Variants in RFLNA observed in about 807,000 individuals in gnomAD.
RFLNA encodes the protein refilin A.
In RFLNA, 5 loss-of-function variants were observed where a neutral mutation model predicts 7.8. The observed-to-expected ratio is 0.64, with a 90% CI of 0.34 to 1.35. The LOEUF (loss-of-function observed/expected upper bound fraction) is 1.35, where lower values mean the gene tolerates loss of function less well. Ranked by LOEUF, RFLNA falls within the 40% of genes most tolerant of loss-of-function variation. RFLNA has a pLI of 0.04. For synonymous variants in RFLNA, 141 were observed against 131.3 expected, an observed-to-expected ratio of 1.07 and a Z score of -0.50; for missense variants, 278 against 305.5, an observed-to-expected ratio of 0.91 and a Z score of 0.67.
chr12:124,311,461 T>C (rs7963737), intron 1 of RFLNA, among the ~76,000 whole-genome samples: 122,966 of 152,074 alleles, frequency 0.81, 50,190 homozygotes, highest in Middle Eastern at 0.87. Flanking sequence ...GTTTCAGCCC[T>C]GCAAAGAGCA....
At chr12:124,310,675 C>T (rs183484992) in intron 1 of RFLNA, among the ~76,000 whole-genome samples, 10 of 152,146 alleles carry the variant, frequency 6.6e-5, no homozygotes, top group African/African-American at 2.4e-4. Flanking sequence ...AGGGGCATGC[C>T]CCTGATGGTC....
At chr12:124,301,493 G>C (rs1338945754) in intron 1 of RFLNA, among the ~76,000 whole-genome samples, 1 of 152,212 alleles carries the variant, frequency 6.6e-6, no homozygotes, top group African/African-American at 2.4e-5. Flanking sequence ...GCCCTCCAGT[G>C]CTCGGCCTCC....
upstream of RFLNA, among the ~76,000 whole-genome samples, chr12:124,293,720 T>C (rs566840798): frequency 6.6e-6 from 1 of 152,234 alleles, no homozygotes; most frequent in African/African-American, 2.4e-5. Flanking sequence ...TGGTGACAGG[T>C]GCATGCCTGT....
At chr12:124,298,052 C>T (rs960571831) in intron 1 of RFLNA, among the ~76,000 whole-genome samples, 12 of 152,304 alleles carry the variant, frequency 7.9e-5, no homozygotes, top group African/African-American at 2.4e-4. Flanking sequence ...TGAGCGGTGC[C>T]GGGTTTCCAT....
chr12:124,290,093 T>C (rs1044908468), upstream of RFLNA, among the ~76,000 whole-genome samples: 1 of 152,200 alleles, frequency 6.6e-6, no homozygotes, highest in African/African-American at 2.4e-5. This position sits in a 1 kb window ranked among gnomAD's most constrained non-coding sequence, Gnocchi z 4.0. Context: ...GGATGTTCAG[T>C]GTTACTTCTG....
Position 124,314,612 on chromosome 12 carries a change from A to C in RFLNA, c.*87A>C, listed in dbSNP as rs115414201. The C allele has an allele frequency of 8.2e-4, 1,262 of 1,532,410 alleles. 12 individuals carry two copies. The African/African-American group carries it at 0.016, about 19-fold the overall frequency. The allele number at this position is 1,532,410 out of a possible 1,614,324, so 94.9% of individuals were successfully genotyped here. On this transcript the variant is annotated 3_prime_UTR_variant, in exon 3 of 3. Coordinates refer to ENST00000546355, the MANE Select transcript of RFLNA (RefSeq NM_001365156.1). ...ATGGACACGATGAGCTCGGCCTGGC[A>C]CTCGGGCAGGAGGCGGGAAGGGAGG...
At chr12:124,294,056 T>C (rs2033862061), upstream of RFLNA, among the ~76,000 whole-genome samples, 1 of 152,282 alleles carries the variant, frequency 6.6e-6, no homozygotes, top group African/African-American at 2.4e-5. Context: ...GGGCCTGCTG[T>C]CTTACGCCTG....
chr12:124,296,548 T>C (rs2135673206), intron 1 of RFLNA, among the ~76,000 whole-genome samples: 1 of 152,268 alleles, frequency 6.6e-6, no homozygotes, highest in African/African-American at 2.4e-5. Context: ...GCGTGTGTGC[T>C]GGCTCCACTC....
Position 124,289,759 on chromosome 12 carries a change from A to T in RFLNA, c.-37+389A>T, listed in dbSNP as rs1160731672. 6.6e-6 allele frequency among the ~76,000 whole-genome samples: 1 copy of T among 152,190 alleles called. No homozygotes were observed. Among genetic ancestry groups the T allele is most frequent in the African/African-American group, 2.4e-5 (1 of 41,456 alleles). ...GTCCAGGCGTGGACATCTGTGGTAC[A>T]GCTGGGGACTGAGCAAGGGCACTGC... is the stretch of plus-strand genomic sequence containing the variant. On this transcript the variant is annotated intron_variant, in intron 1 of 2. Coordinates refer to the RFLNA transcript ENST00000324038. This position sits in a 1 kb window ranked among gnomAD's most constrained non-coding sequence, Gnocchi z 5.0.
Position 124,306,459 on chromosome 12 carries a change from G to A in RFLNA, c.208-5359G>A, listed in dbSNP as rs748761428. 3.3e-5 allele frequency among the ~76,000 whole-genome samples: 5 copies of A among 152,246 alleles called. No homozygotes were observed. The highest frequency in any genetic ancestry group is 6.5e-5 in the Admixed American group (1 of 15,298). ...CAGAGGCCCGAGTGGGAATCCTTGA[G>A]CCTGTGTCGGGGGAGCCTGGAGCTG... On this transcript the variant is annotated intron_variant, in intron 1 of 2. Coordinates refer to ENST00000546355, the MANE Select transcript of RFLNA (RefSeq NM_001365156.1). The surrounding 1 kb of genome is among the most constrained non-coding windows in gnomAD (Gnocchi z 5.2).
intron 1 of RFLNA, among the ~76,000 whole-genome samples, chr12:124,301,652 C>T (rs1317582921): frequency 6.6e-6 from 1 of 152,124 alleles, no homozygotes; most frequent in African/African-American, 2.4e-5. Context: ...TTTTTGTGTA[C>T]AGAGATGGGT....
intron 1 of RFLNA, among the ~76,000 whole-genome samples, chr12:124,300,156 T>C (rs2034000731): frequency 1.3e-5 from 2 of 152,306 alleles, no homozygotes; most frequent in East Asian, 3.9e-4. Flanking sequence ...TGGTGACAGA[T>C]CTGAGCTGTT....
chr12:124,303,519 C>T (rs1017796480), intron 1 of RFLNA, among the ~76,000 whole-genome samples: 10 of 152,206 alleles, frequency 6.6e-5, no homozygotes, highest in Non-Finnish European at 1.3e-4. Context: ...AGCTGGGAAC[C>T]TGGGCCTGGG....
rs576208251 is a variant in RFLNA at position 124,303,721 on chromosome 12, C to T, written c.207+8085C>T. Among the ~76,000 whole-genome samples, 8 of 152,370 alleles carry T rather than the reference C, an allele frequency of 5.3e-5. No individual in the cohort carries two copies. In the South Asian group the frequency reaches 6.2e-4, roughly 12 times the overall value. On this transcript the variant is annotated intron_variant, in intron 1 of 2. Transcript: ENST00000546355. ...CCCAGCCCCAGGATGTGGGCCTTGC[C>T]GATGGCACAGCCTCGTTTCACAGAT...
intron 1 of RFLNA, among the ~76,000 whole-genome samples, chr12:124,308,433 G>C (rs75914057): frequency 0.015 from 2,292 of 152,164 alleles, 26 homozygotes; most frequent in Middle Eastern, 0.031. Flanking sequence ...ATGGGCTTTG[G>C]GGGGGGACCC....
In RFLNA at chr12:124,297,237, C is replaced by T. The variant is rs77410330; in HGVS notation, c.207+1601C>T. ...GCGTTCTCTGCCATCCGGGCCAGCC[C>T]GTGGCTGCCGCAAGAATAGCATGGC... On this transcript the variant is annotated intron_variant, in intron 1 of 2. Transcript: ENST00000546355. Among the ~76,000 whole-genome samples the T allele has an allele frequency of 6.3e-3, 952 of 152,250 alleles. 19 individuals are homozygous for T. The highest frequency in any genetic ancestry group is 0.042 in the South Asian group (204 of 4,824).
At chr12:124,291,793 G>C (rs1392797927), upstream of RFLNA, among the ~76,000 whole-genome samples, 1 of 152,056 alleles carries the variant, frequency 6.6e-6, no homozygotes, top group African/African-American at 2.4e-5. Flanking sequence ...AAGCATTCTG[G>C]GAAAATCCCC....
rs1467919557 is a variant in RFLNA at position 124,289,954 on chromosome 12, C to T, written c.-37+584C>T. 2.6e-5 allele frequency among the ~76,000 whole-genome samples: 4 copies of T among 152,172 alleles called. No homozygotes were observed. The highest frequency in any genetic ancestry group is 7.2e-5 in the African/African-American group (3 of 41,438). ...ACTCTGAAACATTTGACCACATGCCCGGCTGGACAGCTCAGACAGGGCCTG... is the reference window on the plus strand; with the variant it reads ...ACTCTGAAACATTTGACCACATGCCTGGCTGGACAGCTCAGACAGGGCCTG... On this transcript the variant is annotated intron_variant, in intron 1 of 2. Coordinates refer to the RFLNA transcript ENST00000324038. This position sits in a 1 kb window ranked among gnomAD's most constrained non-coding sequence, Gnocchi z 5.0.
chr12:124,314,924 T>C lies in RFLNA; in HGVS notation c.*399T>C. 5.4e-6 allele frequency: 2 copies of C among 368,608 alleles called. No individual in the cohort carries two copies. The highest frequency in any genetic ancestry group is 1.1e-5 in the Non-Finnish European group (2 of 187,354). 22.8% of individuals were successfully genotyped at this position (368,608 alleles called of 1,614,324 possible). A position where few individuals can be genotyped will look rare whatever the true frequency, so the allele number is the denominator to read the frequency against. On this transcript the variant is annotated 3_prime_UTR_variant, in exon 3 of 3. Transcript: ENST00000546355. ...CTCAGCCGGTGGGGACGGCTGCCAC[T>C]CCCCCAGAGCCCTGCCACCCCATGT...
Sources: allele counts gnomAD v4.1 joint callset (sites outside exome capture counted in the v4.1 genomes callset), GRCh38; gene constraint gnomAD v4.1.1; non-coding constraint Gnocchi (gnomAD v3.1); transcripts MANE v1.5; gene names NCBI Gene and HGNC (gene_info 2026-07-23, HGNC 2026-07-21).